The following NCOR1 variants were observed in gnomAD, a reference collection of about 807,000 sequenced individuals.
NCOR1 encodes the protein nuclear receptor corepressor 1.
NCOR1 carries 63 observed loss-of-function variants against 288.1 expected under a neutral mutation model. The ratio of observed to expected loss-of-function variants is 0.22; its 90% CI spans 0.18 to 0.27. NCOR1 has a LOEUF of 0.27. Ranked by LOEUF, NCOR1 falls within the 10% of genes least tolerant of loss-of-function variation. The pLI, the probability that NCOR1 is intolerant of heterozygous loss-of-function variation, is 1.00. For missense variants in NCOR1, 2,397 were observed against 3,019.2 expected (o/e 0.79, Z 4.83); for synonymous variants, 1,007 against 1,065.9 (o/e 0.94, Z 1.08).
chr17:16,136,585 T>C (rs1346221471), intron 14 of NCOR1, among the ~76,000 whole-genome samples: 3 of 151,968 alleles, frequency 2.0e-5, no homozygotes, highest in African/African-American at 7.2e-5. Flanking sequence ...GGCAGGTGGA[T>C]CATGGAAGTC....
intron 23 of NCOR1, among the ~76,000 whole-genome samples, chr17:16,082,759 C>A (rs2063592599): frequency 6.8e-6 from 1 of 147,250 alleles, no homozygotes; most frequent in South Asian, 2.2e-4. Context: ...AAGAATGATA[C>A]TTCACCAGAT....
At chr17:16,206,731 T>C (rs544192517) in intron 1 of NCOR1, among the ~76,000 whole-genome samples, 7 of 152,250 alleles carry the variant, frequency 4.6e-5, no homozygotes, top group Admixed American at 4.6e-4. Context: ...TAAGTTGCTG[T>C]TAATGATTGA....
chr17:16,129,277 C>A (rs752566190), intron 14 of NCOR1, among the ~76,000 whole-genome samples: 4 of 152,222 alleles, frequency 2.6e-5, no homozygotes, highest in Non-Finnish European at 4.4e-5. Flanking sequence ...ACTACAACCA[C>A]CCATCGCACA....
chr17:16,053,213 C>T (rs143651740), intron 40 of NCOR1, among the ~76,000 whole-genome samples: 3 of 152,164 alleles, frequency 2.0e-5, no homozygotes, highest in East Asian at 3.9e-4. Context: ...GGCAAGGGAA[C>T]GAAAGAAAGG....
intron 2 of NCOR1, among the ~76,000 whole-genome samples, chr17:16,187,257 T>C (rs1225899858): frequency 6.6e-6 from 1 of 151,034 alleles, no homozygotes; most frequent in Non-Finnish European, 1.5e-5. Flanking sequence ...GCTAACTCAA[T>C]CATAAACAGA....
chr17:16,167,291 A>C (rs1302601776), intron 4 of NCOR1, among the ~76,000 whole-genome samples: 1 of 152,156 alleles, frequency 6.6e-6, no homozygotes, highest in East Asian at 1.9e-4. Context: ...AACAGACAAG[A>C]TATCTGCCTT....
intron 11 of NCOR1, among the ~76,000 whole-genome samples, chr17:16,142,423 T>C (rs1306847482): frequency 1.3e-5 from 2 of 152,128 alleles, no homozygotes; most frequent in Non-Finnish European, 2.9e-5. Flanking sequence ...CTCAGAATTT[T>C]GAGATGAGGT....
At chr17:16,040,965 T>C (rs1409899482) in intron 42 of NCOR1, 3 of 166,512 alleles carry the variant, frequency 1.8e-5, no homozygotes, top group East Asian at 3.4e-4. Context: ...AGGAAAATGC[T>C]GTTCTCAGAA....
chr17:16,081,010 T>C (rs1005986844), intron 23 of NCOR1, among the ~76,000 whole-genome samples: 7 of 151,894 alleles, frequency 4.6e-5, no homozygotes, highest in African/African-American at 1.7e-4. Context: ...AAAGCACTTA[T>C]ATGTTGCAAT....
chr17:16,183,197 A>G (rs2085865188), intron 3 of NCOR1, among the ~76,000 whole-genome samples: 1 of 149,538 alleles, frequency 6.7e-6, no homozygotes, highest in South Asian at 2.1e-4. Context: ...TCTAATCAAC[A>G]TAGTACTAGA....
At chr17:16,107,138 G>A (rs954324611) in intron 19 of NCOR1, among the ~76,000 whole-genome samples, 5 of 151,516 alleles carry the variant, frequency 3.3e-5, no homozygotes, top group South Asian at 2.1e-4. Context: ...ATCGTGTTCC[G>A]CCCTCCTGGG....
At position 16,080,442 on chromosome 17, in the gene NCOR1, C is replaced by T. The variant is rs2152815157; in HGVS notation, c.3366G>A (p.Leu1122=). The T allele has an allele frequency of 6.2e-7, 1 of 1,614,164 alleles. No individual in the cohort carries two copies. Among genetic ancestry groups the T allele is most frequent in the Non-Finnish European group, 8.5e-7 (1 of 1,180,010 alleles). ...CACCTTCATGTTGGGCCCTGACCAACAGACCCTCAGGTTGTGAGTTTTGGC... is the reference window on the plus strand; with the variant it reads ...CACCTTCATGTTGGGCCCTGACCAATAGACCCTCAGGTTGTGAGTTTTGGC... ...PRSQNSQPEG[L]LVRAQHEGVV... The change falls in exon 25 of 46, where the codon CTG becomes CTA. Residue 1122 remains leucine, a synonymous_variant. Coordinates refer to ENST00000268712, the MANE Select transcript of NCOR1 (RefSeq NM_006311.4).
intron 1 of NCOR1, among the ~76,000 whole-genome samples, chr17:16,208,206 A>ATTTTTTTTTGTTTTTT (rs2091772585): frequency 1.5e-5 from 1 of 65,552 alleles, no homozygotes; most frequent in Non-Finnish European, 2.8e-5. Flanking sequence ...ATGCCCAGCT[A>ATTTTTTTTTGTTTTTT]TTTTTTTTTT....
chr17:16,121,314 C>G (rs773022602), intron 15 of NCOR1, 45 bp from the exon 16 acceptor site: 1 of 1,491,258 alleles, frequency 6.7e-7, no homozygotes, highest in South Asian at 1.3e-5. Context: ...CCAAAGTATA[C>G]ATACATCGAA....
intron 6 of NCOR1, among the ~76,000 whole-genome samples, chr17:16,156,480 A>T (rs1434830449): frequency 1.3e-5 from 2 of 150,326 alleles, no homozygotes; most frequent in Non-Finnish European, 2.9e-5. Flanking sequence ...AAAAAAAAGA[A>T]AAGAAAAGAA....
chr17:16,120,963 A>C (rs2072887566), intron 16 of NCOR1, 89 bp downstream of exon 16: 1 of 1,179,838 alleles, frequency 8.5e-7, no homozygotes, highest in Non-Finnish European at 1.2e-6. Context: ...TAGGTTGTCA[A>C]TATTAAAAGT....
intron 27 of NCOR1, 40 bp downstream of exon 27, chr17:16,075,494 T>C (rs900566422): frequency 6.3e-7 from 1 of 1,594,946 alleles, no homozygotes; most frequent in Non-Finnish European, 8.6e-7. Flanking sequence ...TTTTAGCACA[T>C]ATTGTAATAC....
rs746598904 is a variant in NCOR1, at chr17:16,127,538, CATGTATATATACACATGTGTATATATGT to C, written c.1510-1360_1510-1333del. ...GTATATACACACGTGTATATATCTGCATGTATATATACACATGTGTATATATGTATGTATATATACATATGTGTATATA... is the reference window on the plus strand; with the variant it reads ...GTATATACACACGTGTATATATCTGCATGTATATATACATATGTGTATATA... On this transcript the variant is annotated intron_variant, in intron 14 of 45. Transcript: ENST00000268712. Among the ~76,000 whole-genome samples the C allele has an allele frequency of 2.9e-3, 325 of 113,236 alleles. 12 individuals are homozygous for C. The highest frequency in any genetic ancestry group is 0.013 in the African/African-American group (254 of 18,942). The allele number at this position is 113,236 out of a possible 152,430, so 74.3% of individuals were successfully genotyped here.
rs1164424031 is a variant in NCOR1 at position 16,071,661 on chromosome 17, T to A, written c.3900A>T (p.Thr1300=). Residue 1300 remains threonine (T), a synonymous_variant, in exon 30 of 46, where the codon ACA becomes ACT. Coordinates refer to ENST00000268712, the MANE Select transcript of NCOR1 (RefSeq NM_006311.4). ...TVLSGSIMQG[T]PRATTESFED... The stretch of plus-strand genomic sequence containing the variant: ...CAAAGCTTTCAGTTGTTGCTCTTGG[T>A]GTCCCTTGAAAAAGAATTCAGGAAA... 1 of 1,609,856 alleles carries A rather than the reference T, an allele frequency of 6.2e-7. No individual in the cohort carries two copies. Among genetic ancestry groups the A allele is most frequent in the Non-Finnish European group, 8.5e-7 (1 of 1,178,132 alleles).
Sources: gnomAD v4.1 joint callset for allele counts (sites outside exome capture counted in the v4.1 genomes callset) on GRCh38, gnomAD v4.1.1 for gene constraint, MANE v1.5 for transcripts, NCBI Gene and HGNC (gene_info 2026-07-23, HGNC 2026-07-21) for gene names.